CUL9: variants seen among roughly 807,000 people sequenced by gnomAD.
The protein encoded by CUL9 is cullin-9.
A neutral mutation model predicts 272.6 loss-of-function variants in CUL9; 79 were observed. That is an observed-to-expected ratio of 0.29 (90% CI 0.24 to 0.35). The LOEUF (loss-of-function observed/expected upper bound fraction) is 0.35. Ranked by LOEUF, CUL9 falls within the 10% of genes least tolerant of loss-of-function variation. The pLI is 1.00. For missense variants in CUL9, 2,532 were observed against 3,255.6 expected (o/e 0.78, Z 5.41); for synonymous variants, 1,186 against 1,286.5 (o/e 0.92, Z 1.67).
chr6:43,185,041 T>G (rs2150514069), intron 2 of CUL9, 136 bp downstream of exon 2: 1 of 704,780 alleles, frequency 1.4e-6, no homozygotes, highest in East Asian at 2.7e-5. Flanking sequence ...GGAAAAAATA[T>G]AGATTAATAG....
At chr6:43,201,978 T>A (rs893381632) in intron 16 of CUL9, among the ~76,000 whole-genome samples, 5 of 152,188 alleles carry the variant, frequency 3.3e-5, no homozygotes, top group African/African-American at 1.2e-4. Context: ...GAGTTTGCGC[T>A]GGAGGTAGAA....
In CUL9 at chr6:43,221,581, G is replaced by T. The variant is rs1376447642; in HGVS notation, c.6753-104G>T. 1 of 1,096,676 alleles carries T rather than the reference G, an allele frequency of 9.1e-7. No homozygotes were observed. 67.9% of individuals were successfully genotyped at this position (1,096,676 alleles called of 1,614,324 possible). ...ATGACTAAGGAGACTATCAGGGCAG[G>T]AGCAGAGGCCACAGCATCAACAGCG... On this transcript the variant is annotated intron_variant, in intron 34 of 40. Transcript: ENST00000252050. The surrounding 1 kb of genome is among the most constrained non-coding windows in gnomAD (Gnocchi z 4.2).
At position 43,206,184 on chromosome 6, in the gene CUL9, G is replaced by C. The variant is rs373255874; in HGVS notation, c.4971G>C (p.Lys1657Asn). 1.4e-4 allele frequency: 221 copies of C among 1,613,258 alleles called. No individual in the cohort carries two copies. Among genetic ancestry groups the C allele is most frequent in the Admixed American group, 3.2e-4 (19 of 59,802 alleles). ...FHLFQLQRLDKLFLEQEDEEE... is the reference protein window; with the variant it reads ...FHLFQLQRLDNLFLEQEDEEE... ...TCTTCCAGCTCCAGCGGCTCGACAAGTTGTTCTTGGAGCAGGAAGATGAGG... is the reference window on the plus strand; with the variant it reads ...TCTTCCAGCTCCAGCGGCTCGACAACTTGTTCTTGGAGCAGGAAGATGAGG... The change falls in exon 25 of 41, where the codon AAG becomes AAC. Residue 1657 changes from lysine to asparagine, a missense_variant. By Grantham distance (94) the Lys-to-Asn change is moderately conservative. This residue lies in a region of CUL9 where 2,218 missense variants were observed against 2,788.6 expected (regional missense o/e 0.80). Coordinates refer to ENST00000252050, the MANE Select transcript of CUL9 (RefSeq NM_015089.4). This position sits in a 1 kb window ranked among gnomAD's most constrained non-coding sequence, Gnocchi z 4.8.
chr6:43,195,952 A>G, intron 9 of CUL9, 117 bp from the exon 10 acceptor site: 1 of 740,008 alleles, frequency 1.4e-6, no homozygotes, highest in Non-Finnish European at 2.3e-6. Flanking sequence ...TCTGTCTCCT[A>G]CTCTACCTAT....
At chr6:43,188,966 G>A (rs1024010636) in intron 8 of CUL9, 55 of 359,888 alleles carry the variant, frequency 1.5e-4, no homozygotes, top group Middle Eastern at 7.3e-4. Flanking sequence ...CTGAGGAAGC[G>A]TTGGTAATAT....
At position 43,186,241 on chromosome 6, in the gene CUL9, G is replaced by C; in HGVS notation, c.1037G>C (p.Ser346Thr). Residue 346 changes from serine (S) to threonine (T), a missense_variant, in exon 4 of 41, where the codon AGC becomes ACC. Coordinates refer to ENST00000252050, the MANE Select transcript of CUL9 (RefSeq NM_015089.4). ...SIFQPYISGP[S>T]LLLPTIVTTP... ...TTTCAGCCCTACATTTCAGGCCCCAGCCTTTTACTCCCCACCATTGTCACC... is the reference window on the plus strand; with the variant it reads ...TTTCAGCCCTACATTTCAGGCCCCACCCTTTTACTCCCCACCATTGTCACC... 6.2e-7 allele frequency: 1 copy of C among 1,614,208 alleles called. No individual in the cohort carries two copies. Among genetic ancestry groups the C allele is most frequent in the South Asian group, 1.1e-5 (1 of 91,086 alleles).
At position 43,187,988 on chromosome 6, in the gene CUL9, T is replaced by G; in HGVS notation, c.1857T>G (p.Pro619=). ...TESLKAKAEA[P]KTEAEPTKTR... Reference sequence around the variant, plus strand: ...CCCTCAAAGCAAAGGCCGAGGCCCCTAAGACAGAGGCCGAGCCCACCAAGA... The same window carrying G: ...CCCTCAAAGCAAAGGCCGAGGCCCCGAAGACAGAGGCCGAGCCCACCAAGA... The change falls in exon 7 of 41, where the codon CCT becomes CCG. Residue 619 remains proline (P), a synonymous_variant. Coordinates refer to ENST00000252050, the MANE Select transcript of CUL9 (RefSeq NM_015089.4). The G allele has an allele frequency of 6.2e-7, 1 of 1,613,940 alleles. No homozygotes were observed. The highest frequency in any genetic ancestry group is 2.2e-5 in the East Asian group (1 of 44,880).
At position 43,221,614 on chromosome 6, in the gene CUL9, TG is replaced by T; in HGVS notation, c.6753-68del. On this transcript the variant is annotated intron_variant, in intron 34 of 40. Transcript: ENST00000252050. The surrounding 1 kb of genome is among the most constrained non-coding windows in gnomAD (Gnocchi z 4.2). ...GCCACAGCATCAACAGCGGTACATC[TG>T]GGCCCTTGGCATTCCTGGCACACCC... 7.2e-7 allele frequency: 1 copy of T among 1,397,696 alleles called. No homozygotes were observed. The highest frequency in any genetic ancestry group is 1.0e-6 in the Non-Finnish European group (1 of 995,818). The allele number at this position is 1,397,696 out of a possible 1,614,324, so 86.6% of individuals were successfully genotyped here. A position where few individuals can be genotyped will look rare whatever the true frequency, so the allele number is the denominator to read the frequency against.
intron 37 of CUL9, 22 bp downstream of exon 37, chr6:43,222,663 G>C: frequency 6.2e-7 from 1 of 1,610,134 alleles, no homozygotes; most frequent in South Asian, 1.1e-5. Context: ...TGGGGGAAGA[G>C]AGCAGGGGAG....
In CUL9 at chr6:43,220,629, G is replaced by T. The variant is rs1776279732; in HGVS notation, c.6423+30G>T. On this transcript the variant is annotated intron_variant, in intron 32 of 40. Coordinates refer to ENST00000252050, the MANE Select transcript of CUL9 (RefSeq NM_015089.4). The surrounding 1 kb of genome is among the most constrained non-coding windows in gnomAD (Gnocchi z 4.9). ...CCCCTCTCGTCTGAGAGAGGCTCCA[G>T]TGCAGAGCCAAAGGAGTGTGCCCCA... 1.2e-6 allele frequency: 2 copies of T among 1,612,848 alleles called. No individual in the cohort carries two copies. The highest frequency in any genetic ancestry group is 2.7e-5 in the African/African-American group (2 of 74,906).
Position 43,196,877 on chromosome 6 carries a change from G to T in CUL9, c.2803+15G>T. On this transcript the variant is annotated intron_variant, in intron 11 of 40. Transcript: ENST00000252050. Reference sequence around the variant, plus strand: ...TGAGCGTGCAGGTACCATTGTGGAGGGGTGGTTTTGCAGAGGAATCACACA... The same window carrying T: ...TGAGCGTGCAGGTACCATTGTGGAGTGGTGGTTTTGCAGAGGAATCACACA... 6.2e-7 allele frequency: 1 copy of T among 1,609,322 alleles called. No individual in the cohort carries two copies. Among genetic ancestry groups the T allele is most frequent in the Non-Finnish European group, 8.5e-7 (1 of 1,176,448 alleles).
chr6:43,212,195 T>C (rs1417272019), intron 26 of CUL9, among the ~76,000 whole-genome samples: 4 of 152,258 alleles, frequency 2.6e-5, no homozygotes, highest in Non-Finnish European at 2.9e-5. Flanking sequence ...GAACACTTCA[T>C]TGGTGGTATG....
At position 43,185,554 on chromosome 6, in the gene CUL9, G is replaced by A. The variant is rs1772830913; in HGVS notation, c.694G>A (p.Glu232Lys). 1.2e-6 allele frequency: 2 copies of A among 1,613,790 alleles called. No homozygotes were observed. Among genetic ancestry groups the A allele is most frequent in the African/African-American group, 2.7e-5 (2 of 74,904 alleles). ...CTATACATTGCTGGAGCTGTTTGCA[G>A]AAACCACATCCTCTGAAGAACACTG... is the stretch of plus-strand genomic sequence containing the variant. ...SRYTLLELFA[E>K]TTSSEEHCMA... The change falls in exon 3 of 41, where the codon GAA becomes AAA. Residue 232 changes from glutamate (E) to lysine (K), a missense_variant. By Grantham distance (56) the Glu-to-Lys change is moderately conservative (BLOSUM62 1). This residue lies in a region of CUL9 where 2,218 missense variants were observed against 2,788.6 expected (regional missense o/e 0.80). Transcript: ENST00000252050.
chr6:43,222,974 C>A, intron 38 of CUL9, 78 bp downstream of exon 38: 6 of 1,204,444 alleles, frequency 5.0e-6, no homozygotes, highest in South Asian at 1.3e-5. Flanking sequence ...CCAGACAGGT[C>A]AAGCGGCACC....
Position 43,186,475 on chromosome 6 carries a change from G to A in CUL9, c.1251+20G>A, listed in dbSNP as rs753407553. The stretch of plus-strand genomic sequence containing the variant: ...GTGCAGGTGGGCAGCACATGGTGGT[G>A]AGACACTGTTGGGAGTTTATTTGGG... On this transcript the variant is annotated intron_variant, in intron 4 of 40. Transcript: ENST00000252050. 69 of 1,568,468 alleles carry A rather than the reference G, an allele frequency of 4.4e-5. No homozygotes were observed. The highest frequency in any genetic ancestry group is 5.5e-5 in the Non-Finnish European group (63 of 1,152,354).
rs376561228 is a variant in CUL9 at position 43,221,136 on chromosome 6, C to A, written c.6589-22C>A. 1 of 1,608,162 alleles carries A rather than the reference C, an allele frequency of 6.2e-7. No homozygotes were observed. The highest frequency in any genetic ancestry group is 1.1e-5 in the South Asian group (1 of 90,732). ...CTGCCCTCACGGCTCAGCTGTGTCC[C>A]CACCATGCCCTCTTGCCTTAGGCAC... On this transcript the variant is annotated intron_variant, in intron 33 of 40. Coordinates refer to ENST00000252050, the MANE Select transcript of CUL9 (RefSeq NM_015089.4). The surrounding 1 kb of genome is among the most constrained non-coding windows in gnomAD (Gnocchi z 4.2).
At chr6:43,182,645 G>A (rs746506863) in intron 1 of CUL9, among the ~76,000 whole-genome samples, 15 of 151,864 alleles carry the variant, frequency 9.9e-5, no homozygotes, top group Non-Finnish European at 7.4e-5. Context: ...CACATCGCTG[G>A]CTACCATCCA....
chr6:43,190,461 G>A (rs1773360270), intron 8 of CUL9, among the ~76,000 whole-genome samples: 1 of 150,262 alleles, frequency 6.7e-6, no homozygotes, highest in Non-Finnish European at 1.5e-5. Flanking sequence ...CTATTTTTTG[G>A]TTATAGAATA....
In CUL9 at chr6:43,206,641, C is replaced by A; in HGVS notation, c.5212+131C>A. On this transcript the variant is annotated intron_variant, in intron 26 of 40. Coordinates refer to ENST00000252050, the MANE Select transcript of CUL9 (RefSeq NM_015089.4). This position sits in a 1 kb window ranked among gnomAD's most constrained non-coding sequence, Gnocchi z 4.8. ...CAGCTCCTAGCGAGGGATGAGAAAGCATGGGTTGTAGTTTCATTAATTTCT... is the reference window on the plus strand; with the variant it reads ...CAGCTCCTAGCGAGGGATGAGAAAGAATGGGTTGTAGTTTCATTAATTTCT... The A allele has an allele frequency of 1.4e-6, 1 of 728,034 alleles. No individual in the cohort carries two copies. The highest frequency in any genetic ancestry group is 2.2e-6 in the Non-Finnish European group (1 of 445,580). 45.1% of individuals were successfully genotyped at this position (728,034 alleles called of 1,614,324 possible). A position where few individuals can be genotyped will look rare whatever the true frequency, so the allele number is the denominator to read the frequency against.
Sources: allele counts gnomAD v4.1 joint callset (sites outside exome capture counted in the v4.1 genomes callset), GRCh38; gene constraint gnomAD v4.1.1; regional missense constraint gnomAD v4.1.1; non-coding constraint Gnocchi (gnomAD v3.1); transcripts MANE v1.5; gene names NCBI Gene and HGNC (gene_info 2026-07-23, HGNC 2026-07-21).